PKP4: variants seen among roughly 807,000 people sequenced by gnomAD.
PKP4 encodes the protein plakophilin 4.
In PKP4, 90 loss-of-function variants were observed where a neutral mutation model predicts 145.1. The observed-to-expected ratio is 0.62, with a 90% confidence interval of 0.52 to 0.74. The LOEUF is 0.74. PKP4 is among the 30% of genes least tolerant of loss of function. PKP4 has a pLI of 0.00. For synonymous variants in PKP4, 563 were observed against 577.2 expected (o/e 0.98, Z 0.35); for missense variants, 1,340 against 1,482.7 (o/e 0.90, Z 1.58).
intron 2 of PKP4, among the ~76,000 whole-genome samples, chr2:158,569,204 A>G (rs527453307): frequency 3.3e-5 from 5 of 152,272 alleles, no homozygotes; most frequent in Admixed American, 6.5e-5. Flanking sequence ...AAACTTTACT[A>G]TTTTCTCTCT....
At chr2:158,493,799 G>T (rs1382514728) in intron 1 of PKP4, among the ~76,000 whole-genome samples, 1 of 152,148 alleles carries the variant, frequency 6.6e-6, no homozygotes, top group African/African-American at 2.4e-5. Flanking sequence ...TTCAGGACTG[G>T]TGAGCTTTTC....
chr2:158,522,757 C>T (rs1182358219), intron 1 of PKP4, among the ~76,000 whole-genome samples: 1 of 152,202 alleles, frequency 6.6e-6, no homozygotes, highest in East Asian at 1.9e-4. Context: ...ACAGTGGGCG[C>T]AGGCCAGTGG....
intron 4 of PKP4, among the ~76,000 whole-genome samples, chr2:158,615,672 T>C (rs757182029): frequency 4.6e-5 from 7 of 152,232 alleles, no homozygotes; most frequent in Non-Finnish European, 1.0e-4. Flanking sequence ...TTAGTCATTG[T>C]GGAAATCACT....
At chr2:158,481,924 T>C (rs1054982767) in intron 1 of PKP4, among the ~76,000 whole-genome samples, 2 of 152,198 alleles carry the variant, frequency 1.3e-5, no homozygotes, top group Admixed American at 6.5e-5. Context: ...GCCAAATTAT[T>C]TTATAACTTT....
intron 17 of PKP4, among the ~76,000 whole-genome samples, chr2:158,671,662 A>G (rs1156950224): frequency 6.6e-6 from 1 of 152,224 alleles, no homozygotes; most frequent in African/African-American, 2.4e-5. Flanking sequence ...GCTCTTCTCT[A>G]TGCTGGGCTT....
At position 158,680,628 on chromosome 2, in the gene PKP4, C is replaced by T; in HGVS notation, c.3530C>T (p.Pro1177Leu). The T allele has an allele frequency of 6.2e-7, 1 of 1,613,870 alleles. No individual in the cohort carries two copies. Among genetic ancestry groups the T allele is most frequent in the Non-Finnish European group, 8.5e-7 (1 of 1,179,794 alleles). ...NYVDFYSTKR[P>L]SYRAEQYPGS... ...GTAGACTTTTATTCCACTAAACGAC[C>T]TTCTTATAGAGCAGAACAGTACCCA... The change falls in exon 22 of 22, where the codon CCT (proline) becomes CTT (leucine). Residue 1177 changes from proline to leucine, a missense_variant. Pro to Leu is a moderately conservative substitution (Grantham distance 98, BLOSUM62 -3). Coordinates refer to ENST00000389759, the MANE Select transcript of PKP4 (RefSeq NM_003628.6).
chr2:158,613,353 C>A (rs943160255), intron 4 of PKP4, among the ~76,000 whole-genome samples: 1 of 152,088 alleles, frequency 6.6e-6, no homozygotes, highest in Non-Finnish European at 1.5e-5. Context: ...AAAAGAATTC[C>A]TGCTGATAAA....
rs1415090508 is a variant in PKP4 at position 158,681,220 on chromosome 2, A to G, written c.*543A>G. The G allele has an allele frequency of 6.5e-6, 1 of 153,670 alleles. No homozygotes were observed. Among genetic ancestry groups the G allele is most frequent in the Non-Finnish European group, 1.5e-5 (1 of 68,794 alleles). 9.5% of individuals were successfully genotyped at this position (153,670 alleles called of 1,614,324 possible). A position where few individuals can be genotyped will look rare whatever the true frequency, so the allele number is the denominator to read the frequency against. On this transcript the variant is annotated 3_prime_UTR_variant, in exon 22 of 22. Transcript: ENST00000389759. ...AGATTTGAAGAAACTGACAACTTCA[A>G]AAACAAATGAGAAGCCCAAGGAACT...
chr2:158,653,342 T>G (rs969409887), intron 11 of PKP4, among the ~76,000 whole-genome samples: 3 of 152,256 alleles, frequency 2.0e-5, no homozygotes, highest in African/African-American at 7.2e-5. Flanking sequence ...TATAAAATTA[T>G]CAGTTCGCCA....
intron 4 of PKP4, 33 bp downstream of exon 4, chr2:158,603,137 A>G (rs1430943069): frequency 9.1e-6 from 11 of 1,208,982 alleles, no homozygotes; most frequent in Non-Finnish European, 1.2e-5. Context: ...GTTATGTTTG[A>G]TAAACACAAA....
intron 7 of PKP4, among the ~76,000 whole-genome samples, chr2:158,628,514 T>G (rs931811082): frequency 1.3e-5 from 2 of 152,226 alleles, no homozygotes; most frequent in Non-Finnish European, 1.5e-5. Flanking sequence ...AGAAGGATTC[T>G]TAATATCAAG....
intron 3 of PKP4, among the ~76,000 whole-genome samples, chr2:158,590,854 G>A (rs776489381): frequency 1.3e-5 from 2 of 152,042 alleles, no homozygotes; most frequent in Non-Finnish European, 2.9e-5. Context: ...ACAATGAATG[G>A]ATCAGGCTGA....
chr2:158,503,514 C>T (rs1204809228), intron 1 of PKP4, among the ~76,000 whole-genome samples: 3 of 152,084 alleles, frequency 2.0e-5, no homozygotes, highest in Non-Finnish European at 2.9e-5. Context: ...TTATCAAATC[C>T]TGTTTTAAAG....
chr2:158,572,557 G>A (rs1004170598), intron 2 of PKP4, among the ~76,000 whole-genome samples: 3 of 152,168 alleles, frequency 2.0e-5, no homozygotes, highest in African/African-American at 7.2e-5. Context: ...GACAGCCTAA[G>A]GTGAGGGTTC....
At position 158,669,246 on chromosome 2, in the gene PKP4, C is replaced by A. The variant is rs1180455707; in HGVS notation, c.2729-474C>A. On this transcript the variant is annotated intron_variant, in intron 16 of 21. Coordinates refer to ENST00000389759, the MANE Select transcript of PKP4 (RefSeq NM_003628.6). ...CTGTACCCAGTTCATACATTAAGAT[C>A]CAGAAAGATCTAACGAAAAGTATTG... The A allele has an allele frequency of 2.0e-5, 3 of 152,526 alleles. No individual in the cohort carries two copies. The East Asian group carries it at 5.8e-4, about 29-fold the overall frequency. The allele number at this position is 152,526 out of a possible 1,614,324, so 9.4% of individuals were successfully genotyped here. A position where few individuals can be genotyped will look rare whatever the true frequency, so the allele number is the denominator to read the frequency against.
At chr2:158,562,916 T>C (rs907401859) in intron 2 of PKP4, among the ~76,000 whole-genome samples, 1 of 152,192 alleles carries the variant, frequency 6.6e-6, no homozygotes, top group African/African-American at 2.4e-5. Flanking sequence ...AAGATTACGG[T>C]TGATTATCAG....
chr2:158,465,852 A>G (rs369839657), intron 1 of PKP4, among the ~76,000 whole-genome samples: 1 of 152,240 alleles, frequency 6.6e-6, no homozygotes, highest in African/African-American at 2.4e-5. Flanking sequence ...CACAAGAACT[A>G]TTAATACTAT....
At chr2:158,678,207 C>A (rs907600604) in intron 20 of PKP4, among the ~76,000 whole-genome samples, 3 of 152,176 alleles carry the variant, frequency 2.0e-5, no homozygotes, top group Admixed American at 6.5e-5. Flanking sequence ...AGCTCAGAGC[C>A]CTGGAAAAGG....
At chr2:158,567,617 G>A (rs531743549) in intron 2 of PKP4, among the ~76,000 whole-genome samples, 2 of 152,308 alleles carry the variant, frequency 1.3e-5, no homozygotes, top group African/African-American at 2.4e-5. Context: ...TGGAGTTCAT[G>A]AAGAAATACT....
Sources: gnomAD v4.1 joint callset for allele counts (sites outside exome capture counted in the v4.1 genomes callset) on GRCh38, gnomAD v4.1.1 for gene constraint, MANE v1.5 for transcripts, NCBI Gene and HGNC (gene_info 2026-07-23, HGNC 2026-07-21) for gene names.